CTDP1: variants seen among roughly 807,000 people sequenced by gnomAD.
CTDP1 encodes CTD phosphatase 1.
Under a neutral mutation model 91.8 loss-of-function variants are expected in CTDP1, and 47 were observed. The ratio of observed to expected loss-of-function variants is 0.51; its 90% CI spans 0.41 to 0.65. The LOEUF is 0.65. CTDP1 is among the 30% of genes least tolerant of loss of function. The probability of loss-of-function intolerance (pLI) is 0.00; values close to 1 mark genes in which losing one functional copy is unlikely to be tolerated. For missense variants in CTDP1, 1,272 were observed against 1,373.7 expected, an observed-to-expected ratio of 0.93 and a Z score of 1.17; for synonymous variants, 656 against 598.5, an observed-to-expected ratio of 1.10 and a Z score of -1.40.
At chr18:79,753,078 C>T (rs2087031284) in intron 12 of CTDP1, among the ~76,000 whole-genome samples, 3 of 144,860 alleles carry the variant, frequency 2.1e-5, no homozygotes, top group African/African-American at 8.0e-5. Context: ...AGCCTAGTGG[C>T]ACCGGCTGGT....
intron 1 of CTDP1, among the ~76,000 whole-genome samples, chr18:79,693,950 G>A (rs1173660858): frequency 6.6e-6 from 1 of 152,202 alleles, no homozygotes; most frequent in South Asian, 2.1e-4. Flanking sequence ...AGCACAGCCT[G>A]CCATGGCACA....
rs1288194047 is a variant in CTDP1 at position 79,739,850 on chromosome 18, T to TCGGCGCTTGCTCCCTGC, written c.2747+3330_2747+3331insGGCGCTTGCTCCCTGCC. ...TACCCACGGCCGGGACGGGTGGGACTCTCATACCCACGGCCGGGACGGGTG... is the reference window on the plus strand; with the variant it reads ...TACCCACGGCCGGGACGGGTGGGACTCGGCGCTTGCTCCCTGCCTCATACCCACGGCCGGGACGGGTG... On this transcript the variant is annotated intron_variant, in intron 12 of 12. Coordinates refer to ENST00000613122, the MANE Select transcript of CTDP1 (RefSeq NM_004715.5). Among the ~76,000 whole-genome samples, 187 of 83,666 alleles carry TCGGCGCTTGCTCCCTGC rather than the reference T, an allele frequency of 2.2e-3. 4 individuals carry two copies. Among genetic ancestry groups the TCGGCGCTTGCTCCCTGC allele is most frequent in the Non-Finnish European group, 2.6e-3 (103 of 39,910 alleles). 54.9% of individuals were successfully genotyped at this position (83,666 alleles called of 152,430 possible). A position where few individuals can be genotyped will look rare whatever the true frequency, so the allele number is the denominator to read the frequency against.
chr18:79,733,027 A>G (rs1257324047), intron 11 of CTDP1, among the ~76,000 whole-genome samples: 1 of 152,210 alleles, frequency 6.6e-6, no homozygotes. Context: ...ACCCCCACAC[A>G]GTCCCTGAGT....
chr18:79,696,169 GTCA>G (rs1398051866), intron 3 of CTDP1, 99 bp downstream of exon 3: 22 of 1,032,876 alleles, frequency 2.1e-5, no homozygotes, highest in African/African-American at 1.9e-4. Context: ...ACGTGTGGTT[GTCA>G]TCGTCGTTAC....
At chr18:79,724,572 A>T (rs2086408432) in intron 10 of CTDP1, among the ~76,000 whole-genome samples, 1 of 152,198 alleles carries the variant, frequency 6.6e-6, no homozygotes, top group Admixed American at 6.5e-5. Context: ...TGTTTGTTCC[A>T]TCTGCTAGTC....
intron 12 of CTDP1, among the ~76,000 whole-genome samples, chr18:79,742,558 A>G (rs2086801942): frequency 6.6e-6 from 1 of 152,262 alleles, no homozygotes; most frequent in African/African-American, 2.4e-5. Flanking sequence ...ATCCACACAA[A>G]CAAGCAAGCA....
intron 1 of CTDP1, among the ~76,000 whole-genome samples, chr18:79,694,196 G>A (rs1468182514): frequency 2.7e-4 from 41 of 150,770 alleles, no homozygotes; most frequent in African/African-American, 9.7e-4. Flanking sequence ...CTGAGTGCTG[G>A]GCGGCCTCAT....
intron 11 of CTDP1, 89 bp from the exon 12 acceptor site, chr18:79,736,266 C>T: frequency 1.3e-6 from 2 of 1,523,424 alleles, no homozygotes; most frequent in Non-Finnish European, 1.8e-6. Flanking sequence ...CTGCTGCACT[C>T]AGAGCCCTGG....
chr18:79,680,158 G>T lies in CTDP1; in HGVS notation c.211G>T (p.Gly71Trp), dbSNP rs1419680044. 2.1e-6 allele frequency: 3 copies of T among 1,397,904 alleles called. No individual in the cohort carries two copies. The highest frequency in any genetic ancestry group is 1.5e-5 in the South Asian group (1 of 65,400). 86.6% of individuals were successfully genotyped at this position (1,397,904 alleles called of 1,614,324 possible). A position where few individuals can be genotyped will look rare whatever the true frequency, so the allele number is the denominator to read the frequency against. The change falls in exon 1 of 13, where the codon GGG (glycine) becomes TGG (tryptophan). Residue 71 changes from glycine to tryptophan, a missense_variant. By Grantham distance (184) the Gly-to-Trp change is radical. Transcript: ENST00000613122. ...GGCCTCTCAGTCCCGTGTAGCCTCC[G>T]GGGGCTGCGTGCGCCCCGCGCGGCC... ...SGASQSRVAS[G>W]GCVRPARPER...
chr18:79,712,902 AC>A lies in CTDP1; in HGVS notation c.864-69del, dbSNP rs1388772572. ...ATGTGGATTAGAATCTTAAACTGTTACGCTTGGCAAGATGAATGACTACAAC... is the reference window on the plus strand; with the variant it reads ...ATGTGGATTAGAATCTTAAACTGTTAGCTTGGCAAGATGAATGACTACAAC... On this transcript the variant is annotated intron_variant, in intron 6 of 12. Transcript: ENST00000613122. The A allele has an allele frequency of 6.3e-5, 96 of 1,529,116 alleles. No individual in the cohort carries two copies. In the African/African-American group the frequency reaches 1.0e-3, roughly 16 times the overall value. The allele number at this position is 1,529,116 out of a possible 1,614,324, so 94.7% of individuals were successfully genotyped here.
chr18:79,696,141 G>T (rs113847381), intron 3 of CTDP1, 71 bp downstream of exon 3: 25 of 1,371,538 alleles, frequency 1.8e-5, no homozygotes, highest in African/African-American at 1.6e-4. Flanking sequence ...CAGGAGGAGG[G>T]TGGCTGCAGA....
At chr18:79,716,222 G>A (rs939034215) in intron 8 of CTDP1, among the ~76,000 whole-genome samples, 29 of 152,204 alleles carry the variant, frequency 1.9e-4, no homozygotes, top group Non-Finnish European at 3.7e-4. Context: ...TCCTGGCGGC[G>A]TTTCCTGAGA....
At chr18:79,710,644 C>A (rs1234222653) in intron 6 of CTDP1, among the ~76,000 whole-genome samples, 1 of 150,980 alleles carries the variant, frequency 6.6e-6, no homozygotes, top group Non-Finnish European at 1.5e-5. Flanking sequence ...CCTCAGCCTC[C>A]TGAGTAGCTA....
chr18:79,691,464 G>C (rs986053777), intron 1 of CTDP1, among the ~76,000 whole-genome samples: 1 of 152,024 alleles, frequency 6.6e-6, no homozygotes, highest in African/African-American at 2.4e-5. Context: ...GGCAGGACTC[G>C]GGCTGGGGAA....
In CTDP1 at chr18:79,714,854, A is replaced by T; in HGVS notation, c.1394A>T (p.Glu465Val). ...GACAGCGAGAGCAGCAGTGAGTCCGAGGGCACGAAGTCCTCCTCCTCCGCC... is the reference window on the plus strand; with the variant it reads ...GACAGCGAGAGCAGCAGTGAGTCCGTGGGCACGAAGTCCTCCTCCTCCGCC... ...SSDSESSSESEGTKSSSSASD... is the reference protein window; with the variant it reads ...SSDSESSSESVGTKSSSSASD... Residue 465 changes from glutamate (E) to valine (V), a missense_variant, in exon 8 of 13, where the codon GAG (glutamate) becomes GTG (valine). Glu to Val is a moderately radical substitution (Grantham distance 121). Coordinates refer to ENST00000613122, the MANE Select transcript of CTDP1 (RefSeq NM_004715.5). 1.9e-6 allele frequency: 3 copies of T among 1,589,818 alleles called. No individual in the cohort carries two copies. Among genetic ancestry groups the T allele is most frequent in the Non-Finnish European group, 2.6e-6 (3 of 1,169,186 alleles).
intron 1 of CTDP1, among the ~76,000 whole-genome samples, chr18:79,688,697 G>T (rs191439757): frequency 6.6e-6 from 1 of 151,838 alleles, no homozygotes; most frequent in South Asian, 2.1e-4. Context: ...ATCACTCCCA[G>T]CCACACCCGG....
At position 79,715,172 on chromosome 18, in the gene CTDP1, C is replaced by G. The variant is rs1222636213; in HGVS notation, c.1712C>G (p.Ser571Cys). ...CTGTCGGGGGTCACTGCGGGTGAGT[C>G]CCTGGACCAGAGCATGGAGGAGGAG... ...SELSGVTAGE[S>C]LDQSMEEEEE... Residue 571 changes from serine (S) to cysteine (C), a missense_variant, in exon 8 of 13, where the codon TCC becomes TGC. Physicochemically the swap from Ser to Cys is moderately radical, Grantham distance 112. Transcript: ENST00000613122. 2.5e-6 allele frequency: 4 copies of G among 1,613,260 alleles called. No individual in the cohort carries two copies. Among genetic ancestry groups the G allele is most frequent in the Non-Finnish European group, 3.4e-6 (4 of 1,179,838 alleles).
intron 11 of CTDP1, among the ~76,000 whole-genome samples, chr18:79,732,702 C>T (rs958092100): frequency 2.0e-5 from 3 of 150,026 alleles, no homozygotes; most frequent in African/African-American, 4.9e-5. Context: ...GACTTGAGAA[C>T]TCGCTGACAT....
chr18:79,697,429 GCTGAGCGTGGAAGGTT>G (rs1276254429), intron 3 of CTDP1, among the ~76,000 whole-genome samples: 1 of 152,240 alleles, frequency 6.6e-6, no homozygotes, highest in Non-Finnish European at 1.5e-5. Context: ...ACAAGAATAG[GCTGAGCGTGGAAGGTT>G]CTGAGCGCGG....
Sources: gnomAD v4.1 joint callset for allele counts (sites outside exome capture counted in the v4.1 genomes callset) on GRCh38, gnomAD v4.1.1 for gene constraint, MANE v1.5 for transcripts, NCBI Gene and HGNC (gene_info 2026-07-23, HGNC 2026-07-21) for gene names.